SMYD3: variants seen among roughly 807,000 people sequenced by gnomAD.
The protein encoded by SMYD3 is histone-lysine N-methyltransferase SMYD3.
Under a neutral mutation model 57.7 loss-of-function variants are expected in SMYD3, and 36 were observed. The observed-to-expected ratio is 0.62, with a 90% CI of 0.48 to 0.82. SMYD3 has a LOEUF of 0.82. Ranked by LOEUF, SMYD3 falls within the 40% of genes least tolerant of loss-of-function variation. The pLI is 0.00. For synonymous variants in SMYD3, 211 were observed against 195.0 expected (o/e 1.08, Z -0.68); for missense variants, 515 against 538.8 (o/e 0.96, Z 0.44).
intron 1 of SMYD3, among the ~76,000 whole-genome samples, chr1:246,499,425 C>T (rs199805477): frequency 1.6e-4 from 21 of 129,762 alleles, no homozygotes; most frequent in Non-Finnish European, 2.5e-4. Context: ...CACACACACA[C>T]ATATATATAT....
At chr1:246,147,922 A>G (rs1421017090) in intron 5 of SMYD3, among the ~76,000 whole-genome samples, 1 of 151,898 alleles carries the variant, frequency 6.6e-6, no homozygotes, top group East Asian at 1.9e-4. Context: ...CCCCCACTTC[A>G]TCCCTGCAGG....
intron 5 of SMYD3, chr1:246,322,424 T>G (rs560137519): frequency 1.4e-5 from 2 of 139,526 alleles, no homozygotes; most frequent in Non-Finnish European, 3.1e-5. Flanking sequence ...AGTGGAGATT[T>G]AAAAAAAAAA....
chr1:246,010,574 C>A (rs1258392723), intron 5 of SMYD3, among the ~76,000 whole-genome samples: 1 of 152,168 alleles, frequency 6.6e-6, no homozygotes, highest in African/African-American at 2.4e-5. Flanking sequence ...TGGCAAGCAG[C>A]TGAGTTATCT....
intron 1 of SMYD3, among the ~76,000 whole-genome samples, chr1:246,380,789 A>ACC (rs2066375565): frequency 6.6e-6 from 1 of 152,230 alleles, no homozygotes; most frequent in Non-Finnish European, 1.5e-5. Context: ...AAAAGTAGGA[A>ACC]TCTTGAAATT....
intron 10 of SMYD3, among the ~76,000 whole-genome samples, chr1:245,827,990 G>A (rs1187725972): frequency 6.6e-6 from 1 of 152,122 alleles, no homozygotes; most frequent in Non-Finnish European, 1.5e-5. Flanking sequence ...AGGAAAGAAA[G>A]GTTAAATTCT....
intron 5 of SMYD3, among the ~76,000 whole-genome samples, chr1:246,169,381 C>A (rs371471488): frequency 5.8e-3 from 361 of 61,788 alleles, no homozygotes; most frequent in East Asian, 0.023. Context: ...GACTTTCTTT[C>A]AAAAAAAAAA....
chr1:246,125,081 A>AC (rs1263823647), intron 5 of SMYD3, among the ~76,000 whole-genome samples: 22 of 109,622 alleles, frequency 2.0e-4, no homozygotes, highest in African/African-American at 5.4e-4. Flanking sequence ...CAAAAAAAAA[A>AC]AAAAAAACAC....
chr1:245,790,345 C>G (rs1018180878), intron 10 of SMYD3, among the ~76,000 whole-genome samples: 1 of 152,128 alleles, frequency 6.6e-6, no homozygotes, highest in African/African-American at 2.4e-5. Context: ...AATGAATGAC[C>G]CTACTTGCTA....
Position 246,208,072 on chromosome 1 carries a change from G to A in SMYD3, c.531+119129C>T, listed in dbSNP as rs561514613. Among the ~76,000 whole-genome samples the A allele has an allele frequency of 4.6e-5, 7 of 152,148 alleles. 1 individual carries two copies. The highest frequency in any genetic ancestry group is 1.7e-4 in the African/African-American group (7 of 41,470). On this transcript the variant is annotated intron_variant, in intron 5 of 11. Coordinates refer to ENST00000490107, the MANE Select transcript of SMYD3 (RefSeq NM_001167740.2). ...AAAGTCATATCTGAAGAGAGAGCTG[G>A]GAAAATAGGTGAGATTTGAAATTTG...
intron 2 of SMYD3, among the ~76,000 whole-genome samples, chr1:246,348,324 G>C (rs986033624): frequency 5.9e-5 from 9 of 151,798 alleles, no homozygotes; most frequent in African/African-American, 2.2e-4. Flanking sequence ...GCTGAGGCAC[G>C]AGAATTACTT....
intron 5 of SMYD3, among the ~76,000 whole-genome samples, chr1:246,116,634 TG>T (rs1348854338): frequency 3.9e-5 from 6 of 152,222 alleles, no homozygotes; most frequent in Non-Finnish European, 7.3e-5. Flanking sequence ...GCTATCTTAC[TG>T]TCCTGAATCA....
At chr1:246,157,297 G>A (rs1346430725) in intron 5 of SMYD3, among the ~76,000 whole-genome samples, 3 of 152,136 alleles carry the variant, frequency 2.0e-5, no homozygotes, top group African/African-American at 4.8e-5. Context: ...GAGGCAGAGC[G>A]ATAATTAACT....
chr1:245,929,323 C>G (rs752148046), intron 6 of SMYD3, among the ~76,000 whole-genome samples: 2 of 152,198 alleles, frequency 1.3e-5, no homozygotes, highest in Non-Finnish European at 2.9e-5. Context: ...GGCATAAAAA[C>G]AAAATGAAAC....
At chr1:246,143,399 C>G (rs765741789) in intron 5 of SMYD3, among the ~76,000 whole-genome samples, 41 of 152,174 alleles carry the variant, frequency 2.7e-4, no homozygotes, top group Admixed American at 1.8e-3. Flanking sequence ...CAAAGCAGGA[C>G]AGGCATGGTG....
At chr1:246,266,820 TAGAGAG>T (rs1365359262) in intron 5 of SMYD3, among the ~76,000 whole-genome samples, 1 of 150,682 alleles carries the variant, frequency 6.6e-6, no homozygotes, top group East Asian at 2.0e-4. Context: ...AAGAGAAAGA[TAGAGAG>T]AGAAAGAAAG....
intron 5 of SMYD3, among the ~76,000 whole-genome samples, chr1:246,019,326 T>C (rs1394519596): frequency 6.6e-6 from 1 of 152,220 alleles, no homozygotes; most frequent in African/African-American, 2.4e-5. Flanking sequence ...CAGCCCAAAA[T>C]GTCACTAGTG....
rs1204652248 is a variant in SMYD3 at position 245,764,361 on chromosome 1, GA to G, written c.1077-213del. On this transcript the variant is annotated intron_variant, in intron 10 of 11. Coordinates refer to ENST00000490107, the MANE Select transcript of SMYD3 (RefSeq NM_001167740.2). ...TCCTCAGAATGTGTTTTGTGTTAGG[GA>G]AAAAAAATGACAGGACTAGAAGGTC... Among the ~76,000 whole-genome samples the G allele has an allele frequency of 5.7e-5, 8 of 140,966 alleles. No homozygotes were observed. The East Asian group carries it at 1.5e-3, about 27-fold the overall frequency. 92.5% of individuals were successfully genotyped at this position (140,966 alleles called of 152,430 possible).
intron 1 of SMYD3, among the ~76,000 whole-genome samples, chr1:246,448,515 C>T (rs543929142): frequency 3.3e-5 from 5 of 151,936 alleles, no homozygotes; most frequent in Non-Finnish European, 7.4e-5. Context: ...TAGGTAACTA[C>T]GACCCACGAC....
intron 5 of SMYD3, among the ~76,000 whole-genome samples, chr1:245,995,688 G>A (rs1195085624): frequency 6.6e-6 from 1 of 152,232 alleles, no homozygotes; most frequent in Non-Finnish European, 1.5e-5. Context: ...AATGCAGCCT[G>A]CAGGGCTGAC....
Sources: gnomAD v4.1 joint callset for allele counts (sites outside exome capture counted in the v4.1 genomes callset) on GRCh38, gnomAD v4.1.1 for gene constraint, MANE v1.5 for transcripts, NCBI Gene and HGNC (gene_info 2026-07-23, HGNC 2026-07-21) for gene names.